Variants in PSMA1 observed in about 807,000 individuals in gnomAD.
PSMA1 encodes the protein proteasome subunit alpha type-1.
A neutral mutation model predicts 38.4 loss-of-function variants in PSMA1; 3 were observed. That is an observed-to-expected ratio of 0.08 (90% CI 0.04 to 0.20). The LOEUF is 0.20. Among genes scored for constraint, PSMA1 ranks in the 10% least tolerant of loss-of-function variants. The pLI is 1.00. For missense variants in PSMA1, 227 were observed against 325.3 expected (o/e 0.70, Z 2.32); for synonymous variants, 101 against 107.1 (o/e 0.94, Z 0.35).
At chr11:14,540,608 GAAATGTGAAAAAAAAT>G (rs1851763253) in intron 2 of PSMA1, among the ~76,000 whole-genome samples, 2 of 152,060 alleles carry the variant, frequency 1.3e-5, no homozygotes, top group Admixed American at 1.3e-4. Context: ...TATCAGAAAG[GAAATGTGAAAAAAAAT>G]TGTGAACGTA....
intron 1 of PSMA1, among the ~76,000 whole-genome samples, chr11:14,626,579 T>C (rs551383414): frequency 1.3e-5 from 2 of 152,180 alleles, no homozygotes; most frequent in African/African-American, 4.8e-5. Context: ...GTAGAAAAAA[T>C]CAGCATAAGA....
intron 2 of PSMA1, among the ~76,000 whole-genome samples, chr11:14,575,232 TTC>T (rs968205117): frequency 5.9e-5 from 9 of 152,154 alleles, no homozygotes; most frequent in African/African-American, 2.2e-4. Flanking sequence ...CAGAATAAAT[TTC>T]TTTTTTTAAA....
chr11:14,620,009 A>T (rs1852821999), intron 1 of PSMA1, among the ~76,000 whole-genome samples: 1 of 152,150 alleles, frequency 6.6e-6, no homozygotes, highest in Non-Finnish European at 1.5e-5. Context: ...CGTGTACCTA[A>T]CAGTAAGGAC....
intron 2 of PSMA1, among the ~76,000 whole-genome samples, chr11:14,569,154 A>G (rs1028926334): frequency 5.3e-5 from 8 of 152,148 alleles, no homozygotes; most frequent in African/African-American, 1.9e-4. Context: ...CTTTTCTACC[A>G]CATTGTCATC....
chr11:14,569,126 C>T (rs138775775), intron 2 of PSMA1, among the ~76,000 whole-genome samples: 128 of 152,296 alleles, frequency 8.4e-4, no homozygotes, highest in African/African-American at 2.9e-3. Context: ...TGAGTTTCTT[C>T]CCAGAAAATT....
chr11:14,547,673 A>G (rs1156752647), intron 2 of PSMA1, among the ~76,000 whole-genome samples: 2 of 152,306 alleles, frequency 1.3e-5, no homozygotes, highest in Middle Eastern at 3.4e-3. Flanking sequence ...TCAGAAACCA[A>G]TAGACAAGAG....
intron 1 of PSMA1, among the ~76,000 whole-genome samples, chr11:14,623,335 G>A (rs947984018): frequency 1.3e-5 from 2 of 152,170 alleles, no homozygotes; most frequent in African/African-American, 4.8e-5. Flanking sequence ...AATGGACCAT[G>A]GCTGCATTAC....
chr11:14,584,016 G>A (rs553138649), intron 2 of PSMA1, among the ~76,000 whole-genome samples: 1 of 152,186 alleles, frequency 6.6e-6, no homozygotes, highest in South Asian at 2.1e-4. Context: ...ACAGCCCCCT[G>A]GACACAGCAA....
At chr11:14,531,547 C>T (rs540508630) in intron 2 of PSMA1, among the ~76,000 whole-genome samples, 92 of 152,284 alleles carry the variant, frequency 6.0e-4, no homozygotes, top group South Asian at 1.5e-3. Context: ...ACCGTAGCCT[C>T]GACCTCCTGG....
intron 2 of PSMA1, among the ~76,000 whole-genome samples, chr11:14,561,555 T>TA (rs1387429057): frequency 4.6e-5 from 7 of 152,234 alleles, no homozygotes; most frequent in Non-Finnish European, 8.8e-5. Flanking sequence ...TGTGTTTGTA[T>TA]AATTCTTCTC....
At chr11:14,634,252 G>C (rs116212192) in intron 1 of PSMA1, among the ~76,000 whole-genome samples, 2,371 of 152,234 alleles carry the variant, frequency 0.016, 56 homozygotes, top group African/African-American at 0.054. Flanking sequence ...AAAAGGTTGG[G>C]ACTGCTGTTT....
intron 2 of PSMA1, among the ~76,000 whole-genome samples, chr11:14,598,986 T>C (rs1441832791): frequency 1.3e-5 from 2 of 152,150 alleles, no homozygotes; most frequent in Non-Finnish European, 2.9e-5. Context: ...TTATTTCTCC[T>C]TCACTTATGA....
chr11:14,602,237 C>G (rs1852590873), intron 2 of PSMA1, among the ~76,000 whole-genome samples: 1 of 152,144 alleles, frequency 6.6e-6, no homozygotes, highest in Non-Finnish European at 1.5e-5. Context: ...AGACCGTTTC[C>G]CAGAACTAGA....
At chr11:14,599,661 A>G (rs1316700502) in intron 2 of PSMA1, among the ~76,000 whole-genome samples, 1 of 152,070 alleles carries the variant, frequency 6.6e-6, no homozygotes, top group African/African-American at 2.4e-5. Flanking sequence ...CAAGGTTTTT[A>G]GCTTCCTCGA....
chr11:14,508,928 TA>T (rs71044007), intron 8 of PSMA1, among the ~76,000 whole-genome samples: 100,804 of 151,870 alleles, frequency 0.66, 33,669 homozygotes, highest in African/African-American at 0.7. Context: ...TGCCAACACC[TA>T]ACTCATCTCC....
At chr11:14,595,891 C>G (rs1207168698) in intron 2 of PSMA1, among the ~76,000 whole-genome samples, 1 of 152,208 alleles carries the variant, frequency 6.6e-6, no homozygotes, top group Non-Finnish European at 1.5e-5. Flanking sequence ...ACAGTTAAGT[C>G]TTTAATCCAT....
Position 14,505,064 on chromosome 11 carries a change from G to A in PSMA1, c.*128C>T. 1.2e-6 allele frequency: 1 copy of A among 858,718 alleles called. No homozygotes were observed. The highest frequency in any genetic ancestry group is 2.0e-6 in the Non-Finnish European group (1 of 506,464). The allele number at this position is 858,718 out of a possible 1,614,324, so 53.2% of individuals were successfully genotyped here. On this transcript the variant is annotated 3_prime_UTR_variant, in exon 10 of 10. Transcript: ENST00000396394. The stretch of plus-strand genomic sequence containing the variant: ...GTTGCTTGGAAAAAACTCACATCTG[G>A]ACTGATTCCTAAAACATAGCATTCC...
intron 1 of PSMA1, among the ~76,000 whole-genome samples, chr11:14,631,832 T>C: frequency 6.6e-6 from 1 of 151,490 alleles, no homozygotes; most frequent in Non-Finnish European, 1.5e-5. Flanking sequence ...AGGACTTGCT[T>C]TATGAATCTT....
intron 2 of PSMA1, among the ~76,000 whole-genome samples, chr11:14,585,565 T>C (rs1852334590): frequency 6.6e-6 from 1 of 152,218 alleles, no homozygotes; most frequent in African/African-American, 2.4e-5. Flanking sequence ...CCCTGCTGAA[T>C]TGCTAAACCT....
Sources: gnomAD v4.1 joint callset for allele counts (sites outside exome capture counted in the v4.1 genomes callset) on GRCh38, gnomAD v4.1.1 for gene constraint, MANE v1.5 for transcripts, NCBI Gene and HGNC (gene_info 2026-07-23, HGNC 2026-07-21) for gene names.